The following FBXO4 variants were observed in gnomAD, a reference collection of about 807,000 sequenced individuals.
The protein encoded by FBXO4 is F-box protein 4, also known as F-box only protein 4.
FBXO4 carries 36 observed loss-of-function variants against 43.7 expected under a neutral mutation model. That is an observed-to-expected ratio of 0.82 (90% CI 0.63 to 1.09). The LOEUF (loss-of-function observed/expected upper bound fraction) is 1.09. FBXO4 is among the 50% of genes least tolerant of loss of function. The pLI is 0.00. For synonymous variants in FBXO4, 180 were observed against 165.6 expected, an observed-to-expected ratio of 1.09 and a Z score of -0.67; for missense variants, 435 against 474.1, an observed-to-expected ratio of 0.92 and a Z score of 0.77.
Position 41,934,255 on chromosome 5 carries a change from T to A in FBXO4, c.845T>A (p.Val282Glu). The A allele has an allele frequency of 6.2e-7, 1 of 1,614,146 alleles. No homozygotes were observed. The highest frequency in any genetic ancestry group is 8.5e-7 in the Non-Finnish European group (1 of 1,180,004). ...RYSVIPQIQK[V>E]CEVVDGFIYV... is the part of the protein sequence containing the mutation. ...AGTGTGATTCCACAGATTCAAAAAG[T>A]GTGTGAAGTTGTAGATGGGTTCATC... The change falls in exon 5 of 7, where the codon GTG (valine) becomes GAG (glutamate). Residue 282 changes from valine (V) to glutamate (E), a missense_variant. Coordinates refer to ENST00000281623, the MANE Select transcript of FBXO4 (RefSeq NM_012176.3).
At chr5:41,951,843 C>A in the FBXO4 span, 1 of 222,800 alleles carries the variant, frequency 4.5e-6, no homozygotes, top group East Asian at 1.3e-4. Flanking sequence ...AATGTAACTC[C>A]TGTAAGGCTG....
At chr5:41,983,606 A>G in the FBXO4 span, among the ~76,000 whole-genome samples, 9 of 152,074 alleles carry the variant, frequency 5.9e-5, no homozygotes, top group Admixed American at 5.9e-4. Flanking sequence ...GTCTTTTCCT[A>G]AATGTCTTGG....
the FBXO4 span, among the ~76,000 whole-genome samples, chr5:41,960,353 C>G: frequency 6.6e-6 from 1 of 151,840 alleles, no homozygotes; most frequent in Non-Finnish European, 1.5e-5. Flanking sequence ...TTTCTTTTGT[C>G]TAGCTTGCTC....
At chr5:41,967,845 A>G in the FBXO4 span, 1 of 591,284 alleles carries the variant, frequency 1.7e-6, no homozygotes, top group South Asian at 1.4e-5. Context: ...TATTGATTAA[A>G]TTCAACAATT....
the FBXO4 span, among the ~76,000 whole-genome samples, chr5:41,982,018 C>A: frequency 2.0e-5 from 3 of 151,738 alleles, no homozygotes; most frequent in South Asian, 4.2e-4. Flanking sequence ...TTTGTCCTTG[C>A]AATAATTTGC....
chr5:42,012,130 G>T, the FBXO4 span, among the ~76,000 whole-genome samples: 1 of 152,120 alleles, frequency 6.6e-6, no homozygotes, highest in Non-Finnish European at 1.5e-5. Flanking sequence ...ACTCTGATGG[G>T]TTCAGGAAAC....
At chr5:41,962,405 A>C in the FBXO4 span, among the ~76,000 whole-genome samples, 1 of 152,130 alleles carries the variant, frequency 6.6e-6, no homozygotes, top group Non-Finnish European at 1.5e-5. Flanking sequence ...GGGGGCCCTG[A>C]GTGCCTAGAG....
chr5:41,973,983 ATAT>A, the FBXO4 span, among the ~76,000 whole-genome samples: 4 of 152,136 alleles, frequency 2.6e-5, no homozygotes, highest in Non-Finnish European at 5.9e-5. Context: ...TATTTGAAAG[ATAT>A]TATTACTAGG....
At chr5:41,933,573 G>GTA (rs1484605079) in intron 3 of FBXO4, among the ~76,000 whole-genome samples, 1 of 152,100 alleles carries the variant, frequency 6.6e-6, no homozygotes, top group Non-Finnish European at 1.5e-5. Context: ...TTAATTGAAT[G>GTA]TATACATTGA....
At chr5:41,992,813 A>C in the FBXO4 span, among the ~76,000 whole-genome samples, 1 of 152,210 alleles carries the variant, frequency 6.6e-6, no homozygotes, top group Non-Finnish European at 1.5e-5. Context: ...TTTGAGTTAA[A>C]ATATTTTCAG....
At chr5:42,024,902 T>G in the FBXO4 span, among the ~76,000 whole-genome samples, 1 of 152,080 alleles carries the variant, frequency 6.6e-6, no homozygotes, top group African/African-American at 2.4e-5. Flanking sequence ...TATGGCTGAA[T>G]AGTACTCCAT....
chr5:42,019,892 ATTTG>A, the FBXO4 span, among the ~76,000 whole-genome samples: 541 of 152,226 alleles, frequency 3.6e-3, 21 homozygotes, highest in Admixed American at 0.034. Context: ...GATATACAAA[ATTTG>A]TTTGCCACAT....
At chr5:42,014,052 A>C in the FBXO4 span, among the ~76,000 whole-genome samples, 1 of 152,192 alleles carries the variant, frequency 6.6e-6, no homozygotes, top group African/African-American at 2.4e-5. Context: ...CAAGACTGCC[A>C]ACATTTTAGA....
chr5:41,991,032 G>T, the FBXO4 span, among the ~76,000 whole-genome samples: 1 of 152,114 alleles, frequency 6.6e-6, no homozygotes, highest in African/African-American at 2.4e-5. Context: ...ATGATGGGTT[G>T]CTTAGAATGT....
the FBXO4 span, among the ~76,000 whole-genome samples, chr5:41,992,297 GTT>G: frequency 2.3e-4 from 35 of 152,152 alleles, no homozygotes; most frequent in Non-Finnish European, 1.8e-4. Flanking sequence ...TAAAGTCTTT[GTT>G]TATTTGAGGT....
At chr5:41,984,247 T>C in the FBXO4 span, among the ~76,000 whole-genome samples, 6 of 152,226 alleles carry the variant, frequency 3.9e-5, no homozygotes, top group African/African-American at 1.4e-4. Flanking sequence ...TTTTTATAAG[T>C]ATTTTACTTG....
chr5:41,997,540 G>A, the FBXO4 span, among the ~76,000 whole-genome samples: 1 of 152,154 alleles, frequency 6.6e-6, no homozygotes, highest in Non-Finnish European at 1.5e-5. Flanking sequence ...GTATGTCTAT[G>A]CCAATTATGC....
the FBXO4 span, among the ~76,000 whole-genome samples, chr5:41,954,318 T>C: frequency 6.6e-6 from 1 of 152,366 alleles, no homozygotes; most frequent in South Asian, 2.1e-4. Flanking sequence ...CTTTATGAGA[T>C]GCTACTATTA....
the FBXO4 span, among the ~76,000 whole-genome samples, chr5:41,958,131 A>ATTTTT: frequency 7.8e-6 from 1 of 128,826 alleles, no homozygotes; most frequent in Non-Finnish European, 1.6e-5. Context: ...CTGTTAACAA[A>ATTTTT]TTTTTTTTTT....
Sources: gnomAD v4.1 joint callset for allele counts (sites outside exome capture counted in the v4.1 genomes callset) on GRCh38, gnomAD v4.1.1 for gene constraint, MANE v1.5 for transcripts, NCBI Gene and HGNC (gene_info 2026-07-23, HGNC 2026-07-21) for gene names.